Variants in MRTFA observed in about 807,000 individuals in gnomAD.
MRTFA encodes the protein myocardin-related transcription factor A.
MRTFA carries 20 observed loss-of-function variants against 83.5 expected under a neutral mutation model. That is an observed-to-expected ratio of 0.24 (90% CI 0.17 to 0.35). The LOEUF is 0.35. MRTFA is among the 10% of genes least tolerant of loss of function. The probability of loss-of-function intolerance (pLI) is 1.00; values close to 1 mark genes in which losing one functional copy is unlikely to be tolerated. For missense variants in MRTFA, 1,200 were observed against 1,224.7 expected (o/e 0.98, Z 0.30); for synonymous variants, 659 against 541.2 (o/e 1.22, Z -3.02).
chr22:40,552,456 T>A, intron 2 of MRTFA, 89 bp from the exon 3 acceptor site: 1 of 393,716 alleles, frequency 2.5e-6, no homozygotes. Context: ...TCTTGAATTG[T>A]AGTTCCCATA....
At chr22:40,583,225 G>GA (rs532618713) in intron 2 of MRTFA, among the ~76,000 whole-genome samples, 180 of 152,156 alleles carry the variant, frequency 1.2e-3, no homozygotes, top group African/African-American at 4.1e-3. Flanking sequence ...GCATTTCAGA[G>GA]AAAAAAACTA....
In MRTFA at chr22:40,625,944, T is replaced by C. The variant is rs921474270; in HGVS notation, c.-84+10534A>G. The stretch of plus-strand genomic sequence containing the variant: ...AAGCTTTAGTTCAAGTGATTTCTTC[T>C]CATAAAGATGATCACATAAACAATG... On this transcript the variant is annotated intron_variant, in intron 1 of 14. Coordinates refer to ENST00000355630, the MANE Select transcript of MRTFA (RefSeq NM_020831.6). Among the ~76,000 whole-genome samples the C allele has an allele frequency of 9.9e-4, 10 of 10,106 alleles. No individual in the cohort carries two copies. The African/African-American group carries it at 0.012, about 12-fold the overall frequency. 6.6% of individuals were successfully genotyped at this position (10,106 alleles called of 152,430 possible).
At chr22:40,588,646 A>C (rs866625989) in intron 2 of MRTFA, among the ~76,000 whole-genome samples, 4 of 152,210 alleles carry the variant, frequency 2.6e-5, no homozygotes, top group Admixed American at 6.5e-5. Flanking sequence ...TAACATAGTA[A>C]CAGTGCCTTG....
intron 1 of MRTFA, among the ~76,000 whole-genome samples, chr22:40,609,802 G>T (rs1366756501): frequency 1.3e-5 from 2 of 152,082 alleles, no homozygotes; most frequent in African/African-American, 4.8e-5. Context: ...CTGCACTCCA[G>T]CCTCAGAGTC....
intron 3 of MRTFA, among the ~76,000 whole-genome samples, chr22:40,510,043 C>T (rs2054642486): frequency 7.0e-6 from 1 of 142,394 alleles, no homozygotes; most frequent in African/African-American, 2.6e-5. Context: ...AGTGGGAGTA[C>T]AGAACCCAAA....
intron 3 of MRTFA, among the ~76,000 whole-genome samples, chr22:40,483,326 A>G (rs1201412491): frequency 6.6e-6 from 1 of 151,776 alleles, no homozygotes; most frequent in Non-Finnish European, 1.5e-5. Flanking sequence ...CAGTCTCCCA[A>G]AGTGCTGGAA....
chr22:40,438,250 G>C (rs2053208795), intron 4 of MRTFA, among the ~76,000 whole-genome samples: 1 of 152,212 alleles, frequency 6.6e-6, no homozygotes, highest in Admixed American at 6.5e-5. Flanking sequence ...ACCAGTGAGA[G>C]TGCCCTGAAC....
chr22:40,629,257 A>AAC (rs2056614442), intron 1 of MRTFA, among the ~76,000 whole-genome samples: 1 of 151,750 alleles, frequency 6.6e-6, no homozygotes, highest in Admixed American at 6.6e-5. Flanking sequence ...CAGCCTGTCC[A>AAC]ATATGGTGAA....
intron 3 of MRTFA, among the ~76,000 whole-genome samples, chr22:40,471,045 T>C (rs2053901929): frequency 6.6e-6 from 1 of 151,188 alleles, no homozygotes; most frequent in Admixed American, 6.6e-5. Context: ...AACCTTTACC[T>C]AGACTGCCAA....
At chr22:40,530,592 C>T (rs1021966936) in intron 3 of MRTFA, among the ~76,000 whole-genome samples, 2 of 152,162 alleles carry the variant, frequency 1.3e-5, no homozygotes, top group African/African-American at 4.8e-5. Flanking sequence ...CCACCGCGCC[C>T]GGCCCCATAA....
chr22:40,498,269 ATATATTTTTTTTTTTT>A (rs2147215631), intron 3 of MRTFA, among the ~76,000 whole-genome samples: 1 of 88,352 alleles, frequency 1.1e-5, no homozygotes, highest in East Asian at 3.5e-4. Context: ...ATATATATAT[ATATATTTTTTTTTTTT>A]TTTTTTTTTT....
At chr22:40,443,662 A>C (rs1278036151) in intron 4 of MRTFA, among the ~76,000 whole-genome samples, 1 of 152,162 alleles carries the variant, frequency 6.6e-6, no homozygotes, top group Non-Finnish European at 1.5e-5. Context: ...AATACCACAG[A>C]AAAAAATGGT....
chr22:40,474,963 C>G (rs1243970850), intron 3 of MRTFA, among the ~76,000 whole-genome samples: 2 of 152,108 alleles, frequency 1.3e-5, no homozygotes, highest in Non-Finnish European at 2.9e-5. Flanking sequence ...CTCAGCCATC[C>G]GAGTAGCTGG....
intron 3 of MRTFA, among the ~76,000 whole-genome samples, chr22:40,481,213 T>C (rs1415892788): frequency 6.6e-6 from 1 of 152,136 alleles, no homozygotes; most frequent in African/African-American, 2.4e-5. Context: ...GACTACTGCC[T>C]ATCTGGCTCT....
Position 40,612,388 on chromosome 22 carries a change from T to C in MRTFA, c.-83-17653A>G, listed in dbSNP as rs371537901. On this transcript the variant is annotated intron_variant, in intron 1 of 14. Coordinates refer to ENST00000355630, the MANE Select transcript of MRTFA (RefSeq NM_020831.6). ...GCCACTCATTCATTCAACAGAAATG[T>C]GAGGACCTATTACAAGTCAGGCACT... 1.6e-3 allele frequency among the ~76,000 whole-genome samples: 249 copies of C among 152,348 alleles called. 8 individuals carry two copies. The South Asian group carries it at 0.05, about 31-fold the overall frequency.
intron 1 of MRTFA, among the ~76,000 whole-genome samples, chr22:40,622,324 T>G (rs1030652028): frequency 6.6e-6 from 1 of 151,370 alleles, no homozygotes; most frequent in Non-Finnish European, 1.5e-5. Context: ...TACTAAAAAG[T>G]ATAAAAATTA....
At chr22:40,606,253 A>C (rs1045484570) in intron 1 of MRTFA, among the ~76,000 whole-genome samples, 3 of 152,252 alleles carry the variant, frequency 2.0e-5, no homozygotes, top group Admixed American at 6.5e-5. Context: ...AAAGGAAAAT[A>C]AATTTCACCA....
At chr22:40,423,262 C>T (rs1346936873) in intron 9 of MRTFA, among the ~76,000 whole-genome samples, 1 of 152,144 alleles carries the variant, frequency 6.6e-6, no homozygotes, top group Non-Finnish European at 1.5e-5. Flanking sequence ...GTTGAGTGAA[C>T]AAGACATAAT....
At chr22:40,466,524 C>G (rs1177752436) in intron 3 of MRTFA, among the ~76,000 whole-genome samples, 1 of 152,036 alleles carries the variant, frequency 6.6e-6, no homozygotes, top group Non-Finnish European at 1.5e-5. Flanking sequence ...AAAGGAGAGC[C>G]AAGCAGGATA....
Sources: allele counts gnomAD v4.1 joint callset (sites outside exome capture counted in the v4.1 genomes callset), GRCh38; gene constraint gnomAD v4.1.1; transcripts MANE v1.5; gene names NCBI Gene and HGNC (gene_info 2026-07-23, HGNC 2026-07-21).